The following RGL1 variants were observed in gnomAD, a reference collection of about 807,000 sequenced individuals.
RGL1 encodes ral guanine nucleotide dissociation stimulator like 1.
RGL1 carries 24 observed loss-of-function variants against 95.2 expected under a neutral mutation model. The observed-to-expected ratio is 0.25, with a 90% CI of 0.18 to 0.35. The LOEUF is 0.35. Among genes scored for constraint, RGL1 ranks in the 10% least tolerant of loss-of-function variants. RGL1 has a pLI of 1.00. For synonymous variants in RGL1, 329 were observed against 344.9 expected (o/e 0.95, Z 0.51); for missense variants, 715 against 936.3 (o/e 0.76, Z 3.08).
Position 183,907,071 on chromosome 1 carries a change from C to T in RGL1, c.1532C>T (p.Pro511Leu). 1 of 1,611,528 alleles carries T rather than the reference C, an allele frequency of 6.2e-7. No homozygotes were observed. The highest frequency in any genetic ancestry group is 8.5e-7 in the Non-Finnish European group (1 of 1,178,292). The change falls in exon 14 of 18, where the codon CCT becomes CTT. Residue 511 changes from proline (P) to leucine (L), a missense_variant. Physicochemically the swap from Pro to Leu is moderately conservative, Grantham distance 98. This residue lies in a region of RGL1 where 330 missense variants were observed against 429.6 expected (regional missense o/e 0.77). Coordinates refer to ENST00000360851, the MANE Select transcript of RGL1 (RefSeq NM_001297671.3). ...GACGCCAGCACCACCTCGCCCAAGCCTCGGAAGAGCATGGTGAAGAGACTC... is the reference window on the plus strand; with the variant it reads ...GACGCCAGCACCACCTCGCCCAAGCTTCGGAAGAGCATGGTGAAGAGACTC... ...AADASTTSPK[P>L]RKSMVKRLSL... is the part of the protein sequence containing the mutation.
chr1:183,642,494 C>T (rs1360199524), intron 1 of RGL1, among the ~76,000 whole-genome samples: 1 of 152,148 alleles, frequency 6.6e-6, no homozygotes, highest in Non-Finnish European at 1.5e-5. Context: ...AATTATAATA[C>T]TTACTTTTTT....
intron 1 of RGL1, among the ~76,000 whole-genome samples, chr1:183,684,550 T>A (rs1653442277): frequency 6.6e-6 from 1 of 152,182 alleles, no homozygotes; most frequent in African/African-American, 2.4e-5. Flanking sequence ...TCCACTGAGC[T>A]AGACCATTTG....
chr1:183,739,067 C>G (rs1657126893), intron 1 of RGL1, among the ~76,000 whole-genome samples: 1 of 152,178 alleles, frequency 6.6e-6, no homozygotes, highest in African/African-American at 2.4e-5. Flanking sequence ...GTAGCAACAG[C>G]AAAGCATTAA....
upstream of RGL1, among the ~76,000 whole-genome samples, chr1:183,800,529 G>C (rs1325154121): frequency 6.6e-6 from 1 of 152,074 alleles, no homozygotes; most frequent in Non-Finnish European, 1.5e-5. Context: ...CTTAAATATA[G>C]ATCTTCCCCT....
chr1:183,732,381 C>G (rs1423483913), intron 1 of RGL1, among the ~76,000 whole-genome samples: 1 of 152,116 alleles, frequency 6.6e-6, no homozygotes, highest in Non-Finnish European at 1.5e-5. Context: ...TGAAATGATC[C>G]TCTTTCCCCC....
At chr1:183,714,788 G>C (rs950680185) in intron 1 of RGL1, among the ~76,000 whole-genome samples, 1 of 152,178 alleles carries the variant, frequency 6.6e-6, no homozygotes, top group Admixed American at 6.5e-5. Flanking sequence ...TATTTGCACT[G>C]TACCAGCTCC....
At chr1:183,644,939 G>A (rs1002315555) in intron 1 of RGL1, among the ~76,000 whole-genome samples, 1 of 152,148 alleles carries the variant, frequency 6.6e-6, no homozygotes, top group South Asian at 2.1e-4. Flanking sequence ...ACAGGAGCTG[G>A]TCATAGAGGT....
intron 3 of RGL1, among the ~76,000 whole-genome samples, chr1:183,863,435 C>T (rs982354600): frequency 6.6e-6 from 1 of 152,042 alleles, no homozygotes; most frequent in Non-Finnish European, 1.5e-5. Context: ...TCTTGAGTAG[C>T]TGGGATTGCA....
At chr1:183,691,689 A>G (rs1439247579) in intron 1 of RGL1, among the ~76,000 whole-genome samples, 1 of 152,212 alleles carries the variant, frequency 6.6e-6, no homozygotes, top group Non-Finnish European at 1.5e-5. Context: ...TATAAACCTC[A>G]ATTATATCTT....
At chr1:183,743,337 A>G (rs1041678887) in intron 2 of RGL1, among the ~76,000 whole-genome samples, 4 of 152,228 alleles carry the variant, frequency 2.6e-5, no homozygotes, top group African/African-American at 7.2e-5. Context: ...GTTTTAATAC[A>G]TGGGAAAGAG....
chr1:183,686,628 A>C (rs989886547), intron 1 of RGL1, among the ~76,000 whole-genome samples: 8 of 152,206 alleles, frequency 5.3e-5, no homozygotes, highest in African/African-American at 1.9e-4. Flanking sequence ...GGTTGTAGAA[A>C]GCTTAATGAC....
intron 2 of RGL1, among the ~76,000 whole-genome samples, chr1:183,799,552 T>C (rs1247679516): frequency 1.3e-5 from 2 of 152,210 alleles, no homozygotes; most frequent in Admixed American, 6.5e-5. Context: ...TCCTGATGAT[T>C]AGTGATATTA....
intron 1 of RGL1, among the ~76,000 whole-genome samples, chr1:183,736,346 T>C (rs1208594696): frequency 6.6e-6 from 1 of 152,216 alleles, no homozygotes; most frequent in African/African-American, 2.4e-5. Context: ...TTTACTTTTG[T>C]AACTGTAAGA....
At chr1:183,640,623 G>A (rs1649861846) in intron 1 of RGL1, among the ~76,000 whole-genome samples, 3 of 152,038 alleles carry the variant, frequency 2.0e-5, no homozygotes, top group African/African-American at 7.2e-5. Flanking sequence ...TAAAATGAAA[G>A]CTATGGACTT....
chr1:183,911,776 T>C (rs1317129806), intron 14 of RGL1, among the ~76,000 whole-genome samples: 2 of 152,220 alleles, frequency 1.3e-5, no homozygotes, highest in Non-Finnish European at 2.9e-5. Flanking sequence ...GGGGGTATGC[T>C]GATGGTATCT....
chr1:183,902,188 T>A (rs956780549), intron 11 of RGL1, among the ~76,000 whole-genome samples: 7 of 152,238 alleles, frequency 4.6e-5, no homozygotes, highest in African/African-American at 1.7e-4. Flanking sequence ...ACTTCCCTTT[T>A]GATAAACCGT....
chr1:183,778,216 G>T (rs904047747), intron 2 of RGL1, among the ~76,000 whole-genome samples: 1 of 152,172 alleles, frequency 6.6e-6, no homozygotes, highest in African/African-American at 2.4e-5. Flanking sequence ...TGGGTTAACC[G>T]CCATAAGGCA....
At chr1:183,805,089 C>CGCTT (rs991717145), upstream of RGL1, 2 of 470,110 alleles carry the variant, frequency 4.3e-6, no homozygotes, top group Non-Finnish European at 7.0e-6. Context: ...GTCTGCTCCT[C>CGCTT]GCTTGCTCGC....
chr1:183,870,006 A>C (rs1286739719), intron 4 of RGL1, among the ~76,000 whole-genome samples: 7 of 152,194 alleles, frequency 4.6e-5, no homozygotes, highest in Admixed American at 3.3e-4. Context: ...ACTCATGGGT[A>C]GAGGCCAGGG....
Sources: allele counts gnomAD v4.1 joint callset (sites outside exome capture counted in the v4.1 genomes callset), GRCh38; gene constraint gnomAD v4.1.1; regional missense constraint gnomAD v4.1.1; transcripts MANE v1.5; gene names NCBI Gene and HGNC (gene_info 2026-07-23, HGNC 2026-07-21).